The following TENM3 variants were observed in gnomAD, a reference collection of about 807,000 sequenced individuals.
TENM3 encodes teneurin transmembrane protein 3.
In TENM3, 63 loss-of-function variants were observed where a neutral mutation model predicts 255.1. That is an observed-to-expected ratio of 0.25 (90% confidence interval 0.20 to 0.30). The LOEUF is 0.30. Among genes scored for constraint, TENM3 ranks in the 10% least tolerant of loss-of-function variants. The pLI, the probability that TENM3 is intolerant of heterozygous loss-of-function variation, is 1.00. For missense variants in TENM3, 2,929 were observed against 3,461.1 expected (o/e 0.85, Z 3.86); for synonymous variants, 1,306 against 1,322.3 (o/e 0.99, Z 0.27).
the TENM3 span, among the ~76,000 whole-genome samples, chr4:181,584,875 T>C: frequency 6.6e-6 from 1 of 152,082 alleles, no homozygotes; most frequent in African/African-American, 2.4e-5. Context: ...AGCAAAGGCA[T>C]AAATAATAGG....
chr4:182,356,721 TTTA>T (rs1409053553), intron 3 of TENM3, among the ~76,000 whole-genome samples: 1 of 151,878 alleles, frequency 6.6e-6, no homozygotes, highest in African/African-American at 2.4e-5. Flanking sequence ...TTATTATTTT[TTTA>T]TTATTATTAT....
chr4:182,288,180 C>T (rs1760870263), intron 1 of TENM3, among the ~76,000 whole-genome samples: 1 of 152,128 alleles, frequency 6.6e-6, no homozygotes, highest in Admixed American at 6.5e-5. Flanking sequence ...AGGTGATCCA[C>T]CCTCCTCGGC....
intron 3 of TENM3, among the ~76,000 whole-genome samples, chr4:182,481,843 T>C (rs1345668277): frequency 4.6e-5 from 7 of 152,202 alleles, no homozygotes; most frequent in Non-Finnish European, 1.0e-4. Context: ...ACAATTATAA[T>C]TTACTTCTAA....
At chr4:181,817,884 G>A in the TENM3 span, among the ~76,000 whole-genome samples, 1 of 152,190 alleles carries the variant, frequency 6.6e-6, no homozygotes, top group African/African-American at 2.4e-5. Context: ...TGTTATAGCA[G>A]CACAAACAGG....
rs538401663 is a variant in TENM3 at position 182,614,249 on chromosome 4, A to G, written c.749+13088A>G. Reference sequence around the variant, plus strand: ...TAAAATATTTTCTTTTTATAATTGCATAGTATACATAGTATATTACTTCCT... The same window carrying G: ...TAAAATATTTTCTTTTTATAATTGCGTAGTATACATAGTATATTACTTCCT... On this transcript the variant is annotated intron_variant, in intron 4 of 27. Transcript: ENST00000511685. Among the ~76,000 whole-genome samples, 33 of 152,280 alleles carry G rather than the reference A, an allele frequency of 2.2e-4. No homozygotes were observed. The South Asian group carries it at 6.6e-3, about 31-fold the overall frequency.
chr4:182,654,982 A>G (rs1753633820), intron 6 of TENM3, among the ~76,000 whole-genome samples: 2 of 152,184 alleles, frequency 1.3e-5, no homozygotes. Flanking sequence ...CTTTTTATAT[A>G]AAGTTCTGCA....
chr4:182,570,763 G>A (rs539836791), intron 3 of TENM3, among the ~76,000 whole-genome samples: 2 of 152,118 alleles, frequency 1.3e-5, no homozygotes, highest in South Asian at 4.1e-4. Flanking sequence ...CTGGGAGGCG[G>A]AGCTTGCAGT....
At chr4:182,068,570 A>G in the TENM3 span, among the ~76,000 whole-genome samples, 5 of 152,144 alleles carry the variant, frequency 3.3e-5, no homozygotes, top group East Asian at 7.7e-4. Context: ...AAAGCAAGAA[A>G]TGTATTATTT....
At chr4:182,251,459 C>A (rs890715528) in intron 1 of TENM3, among the ~76,000 whole-genome samples, 1 of 152,160 alleles carries the variant, frequency 6.6e-6, no homozygotes, top group Non-Finnish European at 1.5e-5. Flanking sequence ...CACAGCGAGA[C>A]CCTGTCTCAA....
the TENM3 span, among the ~76,000 whole-genome samples, chr4:181,455,688 T>C: frequency 6.6e-6 from 1 of 151,948 alleles, no homozygotes; most frequent in East Asian, 1.9e-4. Flanking sequence ...TTATCATCTG[T>C]TGAGGGTTTA....
intron 3 of TENM3, among the ~76,000 whole-genome samples, chr4:182,411,915 T>A (rs2151085503): frequency 6.6e-6 from 1 of 152,288 alleles, no homozygotes; most frequent in South Asian, 2.1e-4. Flanking sequence ...CTTAAGTGTG[T>A]CCATGGCTAG....
At chr4:182,161,520 G>A (rs1579551540) in intron 1 of TENM3, among the ~76,000 whole-genome samples, 1 of 141,682 alleles carries the variant, frequency 7.1e-6, no homozygotes, top group South Asian at 2.2e-4. Flanking sequence ...CTGGGAGGTG[G>A]AGGTTGCAAT....
intron 12 of TENM3, among the ~76,000 whole-genome samples, chr4:182,690,109 GC>G (rs1756901589): frequency 6.6e-6 from 1 of 152,114 alleles, no homozygotes; most frequent in Admixed American, 6.6e-5. Flanking sequence ...ATTTCCAGAT[GC>G]CAGCCAAGGG....
chr4:182,785,712 T>TAAA (rs397879537), intron 24 of TENM3, among the ~76,000 whole-genome samples: 4,438 of 60,058 alleles, frequency 0.074, 207 homozygotes, highest in Non-Finnish European at 0.082. Context: ...TGTCTCAAGA[T>TAAA]AAAAAAAAAA....
At chr4:181,695,886 G>C in the TENM3 span, among the ~76,000 whole-genome samples, 3 of 151,736 alleles carry the variant, frequency 2.0e-5, no homozygotes, top group Non-Finnish European at 4.4e-5. Flanking sequence ...ATTACTGACT[G>C]TATTCTTTTT....
the TENM3 span, among the ~76,000 whole-genome samples, chr4:181,453,099 C>A: frequency 3.3e-5 from 5 of 152,272 alleles, no homozygotes; most frequent in African/African-American, 1.2e-4. Context: ...AAACTCAGAT[C>A]TTTGTATTAA....
the TENM3 span, among the ~76,000 whole-genome samples, chr4:181,871,949 A>G: frequency 6.6e-6 from 1 of 152,142 alleles, no homozygotes; most frequent in African/African-American, 2.4e-5. Flanking sequence ...ATGTAATCCT[A>G]GATCTGACTT....
At chr4:182,354,566 A>T (rs1765398516) in intron 3 of TENM3, among the ~76,000 whole-genome samples, 1 of 151,012 alleles carries the variant, frequency 6.6e-6, no homozygotes, top group Non-Finnish European at 1.5e-5. Context: ...ATTCTTCTCA[A>T]ATCATAATAA....
At chr4:181,787,691 C>T in the TENM3 span, among the ~76,000 whole-genome samples, 1 of 152,064 alleles carries the variant, frequency 6.6e-6, no homozygotes, top group African/African-American at 2.4e-5. Flanking sequence ...GACCGAGCCT[C>T]ACTATTTTAA....
Sources: allele counts gnomAD v4.1 joint callset (sites outside exome capture counted in the v4.1 genomes callset), GRCh38; gene constraint gnomAD v4.1.1; transcripts MANE v1.5; gene names NCBI Gene and HGNC (gene_info 2026-07-23, HGNC 2026-07-21).